The following ERC1 variants were observed in gnomAD, a reference collection of about 807,000 sequenced individuals.
The protein encoded by ERC1 is RAB6 interacting protein 2.
Under a neutral mutation model 132.0 loss-of-function variants are expected in ERC1, and 56 were observed. That is an observed-to-expected ratio of 0.42 (90% confidence interval 0.34 to 0.53). The LOEUF (loss-of-function observed/expected upper bound fraction) is 0.53. Among genes scored for constraint, ERC1 ranks in the 20% least tolerant of loss-of-function variants. The probability of loss-of-function intolerance (pLI) is 0.03; values close to 1 mark genes in which losing one functional copy is unlikely to be tolerated. For synonymous variants in ERC1, 478 were observed against 476.1 expected, an observed-to-expected ratio of 1.00 and a Z score of -0.05; for missense variants, 1,202 against 1,349.9, an observed-to-expected ratio of 0.89 and a Z score of 1.72.
At chr12:1,365,144 C>G (rs1224804581) in intron 15 of ERC1, among the ~76,000 whole-genome samples, 1 of 152,150 alleles carries the variant, frequency 6.6e-6, no homozygotes, top group Non-Finnish European at 1.5e-5. Context: ...TGTGCACCCC[C>G]TCTTAAATTA....
At position 1,145,166 on chromosome 12, in the gene ERC1, G is replaced by A. The variant is rs151105899; in HGVS notation, c.1737+3379G>A. ...TGAGTAGCTGGGATTACGGGTGCTC[G>A]CCACCACGCCCCACTAATTTTTGCA... On this transcript the variant is annotated intron_variant, in intron 8 of 18. Coordinates refer to ENST00000360905, the MANE Select transcript of ERC1 (RefSeq NM_178040.4). Among the ~76,000 whole-genome samples, 1,320 of 151,838 alleles carry A rather than the reference G, an allele frequency of 8.7e-3. 15 individuals carry two copies. The highest frequency in any genetic ancestry group is 0.03 in the African/African-American group (1,232 of 41,414).
At chr12:1,207,753 T>C (rs777874964) in intron 12 of ERC1, among the ~76,000 whole-genome samples, 2 of 152,108 alleles carry the variant, frequency 1.3e-5, no homozygotes, top group Non-Finnish European at 2.9e-5. Flanking sequence ...ATCACCACGG[T>C]TGTAGATCAC....
At chr12:1,467,719 C>A (rs2093772877) in intron 18 of ERC1, among the ~76,000 whole-genome samples, 1 of 152,166 alleles carries the variant, frequency 6.6e-6, no homozygotes, top group Non-Finnish European at 1.5e-5. Context: ...ATACAATTCA[C>A]CATAATGTAG....
At chr12:1,456,468 T>C (rs1207441887) in intron 18 of ERC1, among the ~76,000 whole-genome samples, 1 of 152,000 alleles carries the variant, frequency 6.6e-6, no homozygotes, top group Non-Finnish European at 1.5e-5. Context: ...TGCAATCTTG[T>C]CAAGTTCCAG....
intron 15 of ERC1, among the ~76,000 whole-genome samples, chr12:1,341,277 A>T (rs1363776782): frequency 1.3e-5 from 2 of 150,792 alleles, no homozygotes; most frequent in African/African-American, 4.9e-5. Flanking sequence ...TTGTATTTTC[A>T]ATAGAGACAG....
chr12:1,398,256 T>C (rs575870307), intron 16 of ERC1, among the ~76,000 whole-genome samples: 322 of 152,290 alleles, frequency 2.1e-3, no homozygotes, highest in African/African-American at 7.2e-3. Flanking sequence ...AGTGCTGGAA[T>C]TGTAGACGTG....
chr12:1,303,483 A>G (rs2080577383), intron 15 of ERC1, among the ~76,000 whole-genome samples: 1 of 151,696 alleles, frequency 6.6e-6, no homozygotes, highest in South Asian at 2.1e-4. Flanking sequence ...AAAAATACAA[A>G]AAAAAATTAG....
intron 16 of ERC1, among the ~76,000 whole-genome samples, chr12:1,400,489 A>G (rs2090925805): frequency 6.6e-6 from 1 of 152,090 alleles, no homozygotes; most frequent in Admixed American, 6.5e-5. Flanking sequence ...CCAAGAAATC[A>G]CTGCCTAACC....
At chr12:1,251,198 T>G (rs1479176606) in intron 13 of ERC1, among the ~76,000 whole-genome samples, 1 of 152,108 alleles carries the variant, frequency 6.6e-6, no homozygotes, top group Non-Finnish European at 1.5e-5. Context: ...AAGAAAGCCT[T>G]TTATAAACAT....
chr12:1,352,621 A>G (rs1202317331), intron 15 of ERC1, among the ~76,000 whole-genome samples: 10 of 150,742 alleles, frequency 6.6e-5, no homozygotes, highest in African/African-American at 2.2e-4. Context: ...CCCCCCACAC[A>G]CACAAATAAT....
At chr12:1,356,214 G>GTT (rs2085522042) in intron 15 of ERC1, among the ~76,000 whole-genome samples, 1 of 34,242 alleles carries the variant, frequency 2.9e-5, no homozygotes, top group African/African-American at 1.7e-4. Flanking sequence ...AAAAAAAAAA[G>GTT]TGTGTGTGTG....
chr12:1,185,052 A>G (rs533258509), intron 11 of ERC1, among the ~76,000 whole-genome samples: 1 of 152,254 alleles, frequency 6.6e-6, no homozygotes, highest in Non-Finnish European at 1.5e-5. Context: ...CTGGGTTTAT[A>G]GGCGCATGCC....
At position 1,303,508 on chromosome 12, in the gene ERC1, G is replaced by A. The variant is rs548162203; in HGVS notation, c.2780+13496G>A. 2.0e-5 allele frequency among the ~76,000 whole-genome samples: 3 copies of A among 151,904 alleles called. No individual in the cohort carries two copies. The South Asian group carries it at 6.3e-4, about 32-fold the overall frequency. On this transcript the variant is annotated intron_variant, in intron 15 of 18. Coordinates refer to ENST00000360905, the MANE Select transcript of ERC1 (RefSeq NM_178040.4). ...AAAAAAATTAGCTGGGTGTGGCGGC[G>A]TGCACCTGTAGTCCCAGCTGCTGGG...
chr12:1,284,166 T>C (rs1473079234), intron 14 of ERC1, among the ~76,000 whole-genome samples: 1 of 152,152 alleles, frequency 6.6e-6, no homozygotes, highest in East Asian at 1.9e-4. Flanking sequence ...ACATCTGTCT[T>C]TCCGTGCCTG....
In ERC1 at chr12:1,181,969, G is replaced by A; in HGVS notation, c.1920G>A (p.Glu640=). ...ERLKEQRDRD[E]REKQEEIDNY... is the part of the protein sequence containing the mutation. Reference sequence around the variant, plus strand: ...TAAAGGAGCAGAGGGACAGAGATGAGCGAGAGAAGCAAGAGGAAATTGATA... The same window carrying A: ...TAAAGGAGCAGAGGGACAGAGATGAACGAGAGAAGCAAGAGGAAATTGATA... Residue 640 remains glutamate, a synonymous_variant, in exon 10 of 19, where the codon GAG becomes GAA. Coordinates refer to ENST00000360905, the MANE Select transcript of ERC1 (RefSeq NM_178040.4). 1 of 1,614,066 alleles carries A rather than the reference G, an allele frequency of 6.2e-7. No homozygotes were observed.
At chr12:1,402,615 A>ACACACACACACACACACACAC (rs1491282805) in intron 16 of ERC1, among the ~76,000 whole-genome samples, 1,461 of 72,104 alleles carry the variant, frequency 0.02, 24 homozygotes, top group African/African-American at 0.15. Flanking sequence ...GTAACCCCCA[A>ACACACACACACACACACACAC]CACACACACA....
chr12:1,440,988 T>A (rs1405381015), intron 17 of ERC1, among the ~76,000 whole-genome samples: 4 of 151,840 alleles, frequency 2.6e-5, no homozygotes, highest in Non-Finnish European at 5.9e-5. Flanking sequence ...CTGAAATTTT[T>A]CAGAATACCA....
chr12:1,335,194 C>T (rs892465709), intron 15 of ERC1, among the ~76,000 whole-genome samples: 2 of 152,166 alleles, frequency 1.3e-5, no homozygotes, highest in Non-Finnish European at 2.9e-5. Context: ...TTAATTTCCT[C>T]TCTTCCCATT....
intron 4 of ERC1, 113 bp downstream of exon 4, chr12:1,104,937 G>T: frequency 1.6e-6 from 1 of 640,770 alleles, no homozygotes; most frequent in Admixed American, 2.5e-5. Context: ...CACTTATTTG[G>T]AGATTAAGAG....
Sources: allele counts gnomAD v4.1 joint callset (sites outside exome capture counted in the v4.1 genomes callset), GRCh38; gene constraint gnomAD v4.1.1; transcripts MANE v1.5; gene names NCBI Gene and HGNC (gene_info 2026-07-23, HGNC 2026-07-21).